Variants in UNC79 observed in about 807,000 individuals in gnomAD.
UNC79 encodes protein unc-79 homolog.
A neutral mutation model predicts 283.1 loss-of-function variants in UNC79; 37 were observed. The observed-to-expected ratio is 0.13, with a 90% CI of 0.10 to 0.17. The LOEUF is 0.17. Among genes scored for constraint, UNC79 ranks in the 10% least tolerant of loss-of-function variants. The pLI, the probability that UNC79 is intolerant of heterozygous loss-of-function variation, is 1.00. For missense variants in UNC79, 2,272 were observed against 3,211.1 expected (o/e 0.71, Z 7.07); for synonymous variants, 1,107 against 1,200.2 (o/e 0.92, Z 1.61).
Position 93,528,744 on chromosome 14 carries a change from C to T in UNC79, c.1052+98C>T, listed in dbSNP as rs2060661018. On this transcript the variant is annotated intron_variant, in intron 9 of 48. Coordinates refer to ENST00000555664, the Ensembl canonical transcript of UNC79. ...AATTAGTTACATTGCTAAAGTTTCT[C>T]TCTAGCCTCTCTGATTTTTAAAGGT... 10 of 1,104,740 alleles carry T rather than the reference C, an allele frequency of 9.1e-6. No individual in the cohort carries two copies. The South Asian group carries it at 1.5e-4, about 16-fold the overall frequency. 68.4% of individuals were successfully genotyped at this position (1,104,740 alleles called of 1,614,324 possible).
At chr14:93,697,735 G>A (rs1023379612) in intron 47 of UNC79, among the ~76,000 whole-genome samples, 3 of 152,130 alleles carry the variant, frequency 2.0e-5, no homozygotes, top group Non-Finnish European at 2.9e-5. Context: ...GCAGCATATT[G>A]AGACCCAGTC....
At chr14:93,497,632 T>C (rs2059073388) in intron 7 of UNC79, among the ~76,000 whole-genome samples, 1 of 152,184 alleles carries the variant, frequency 6.6e-6, no homozygotes, top group African/African-American at 2.4e-5. Context: ...ACTAGCAGAT[T>C]CTGCTCTGAT....
intron 1 of UNC79, among the ~76,000 whole-genome samples, chr14:93,350,046 TCTAA>T (rs2053952932): frequency 6.6e-6 from 1 of 152,328 alleles, no homozygotes; most frequent in East Asian, 1.9e-4. Context: ...TTGGGTCATT[TCTAA>T]CTAAGAAAGG....
chr14:93,532,915 T>C (rs974134684), intron 11 of UNC79, among the ~76,000 whole-genome samples: 5 of 152,178 alleles, frequency 3.3e-5, no homozygotes, highest in Non-Finnish European at 7.3e-5. Context: ...AGGATATATC[T>C]TGTATGCTAG....
chr14:93,643,504 T>G, intron 33 of UNC79, 53 bp from the exon 37 acceptor site: 1 of 1,612,866 alleles, frequency 6.2e-7, no homozygotes, highest in South Asian at 1.1e-5. Flanking sequence ...ATATTATATC[T>G]TGAGACCATG....
chr14:93,560,120 T>G (rs1392586685), intron 14 of UNC79, among the ~76,000 whole-genome samples: 1 of 152,060 alleles, frequency 6.6e-6, no homozygotes, highest in Non-Finnish European at 1.5e-5. Flanking sequence ...ATTGAGAAAC[T>G]AAACGGAAGG....
At chr14:93,592,189 T>TC (rs1478776465) in intron 22 of UNC79, among the ~76,000 whole-genome samples, 1 of 148,930 alleles carries the variant, frequency 6.7e-6, no homozygotes, top group East Asian at 1.9e-4. Flanking sequence ...TTTTTTTTTT[T>TC]TTTGAGACTG....
rs138427038 is a variant in UNC79, at chr14:93,451,088, G to T, written c.23-16583G>T. Among the ~76,000 whole-genome samples, 1,070 of 151,352 alleles carry T rather than the reference G, an allele frequency of 7.1e-3. 9 individuals are homozygous for T. Among genetic ancestry groups the T allele is most frequent in the Non-Finnish European group, 0.011 (735 of 67,860 alleles). ...ACAACAGCGTTCATTTATAGGTAGAGTATCTTATCTTTCTGATATTAATAA... is the reference window on the plus strand; with the variant it reads ...ACAACAGCGTTCATTTATAGGTAGATTATCTTATCTTTCTGATATTAATAA... On this transcript the variant is annotated intron_variant, in intron 1 of 48. Transcript: ENST00000555664.
intron 38 of UNC79, among the ~76,000 whole-genome samples, chr14:93,658,776 C>G (rs2071226269): frequency 6.6e-6 from 1 of 152,044 alleles, no homozygotes; most frequent in African/African-American, 2.4e-5. Context: ...AGTCCTTTCA[C>G]AAATTGGTGC....
intron 40 of UNC79, among the ~76,000 whole-genome samples, chr14:93,663,815 C>A (rs1212272147): frequency 6.6e-6 from 1 of 152,058 alleles, no homozygotes; most frequent in African/African-American, 2.4e-5. Flanking sequence ...AAAAGATTTT[C>A]TATTTCTAGA....
At chr14:93,521,289 C>T (rs548509520) in intron 7 of UNC79, among the ~76,000 whole-genome samples, 1 of 152,182 alleles carries the variant, frequency 6.6e-6, no homozygotes, top group Admixed American at 6.5e-5. Flanking sequence ...AGAACTCTCA[C>T]AGTTTTTCTC....
At chr14:93,689,793 A>G in intron 44 of UNC79, 1 of 253,554 alleles carries the variant, frequency 3.9e-6, no homozygotes, top group African/African-American at 2.2e-5. Flanking sequence ...CCGGCCCACC[A>G]GAGAAGAAAT....
At chr14:93,477,877 A>G (rs1391327385) in intron 4 of UNC79, 149 bp downstream of exon 4, 1 of 746,084 alleles carries the variant, frequency 1.3e-6, no homozygotes. Context: ...TCACTTTAGC[A>G]TGGATATTAT....
chr14:93,685,907 C>A (rs2074203938), intron 42 of UNC79, among the ~76,000 whole-genome samples: 1 of 152,238 alleles, frequency 6.6e-6, no homozygotes, highest in African/African-American at 2.4e-5. Context: ...CAAAACTTTT[C>A]AAACACACTT....
chr14:93,593,883 C>G (rs374031472), intron 23 of UNC79, 46 bp downstream of exon 23: 1 of 1,519,798 alleles, frequency 6.6e-7, no homozygotes, highest in Admixed American at 2.1e-5. Context: ...ACACAGTACA[C>G]GGGTGTCTGG....
intron 1 of UNC79, chr14:93,347,450 G>A (rs982765826): frequency 6.5e-6 from 9 of 1,391,832 alleles, no homozygotes; most frequent in African/African-American, 1.5e-5. Flanking sequence ...CTGGCGGGGC[G>A]CCCCGACGGG....
chr14:93,420,633 T>A (rs768545823), intron 1 of UNC79, among the ~76,000 whole-genome samples: 2 of 151,824 alleles, frequency 1.3e-5, no homozygotes, highest in Non-Finnish European at 2.9e-5. Flanking sequence ...CAGAACATTT[T>A]ATGCAACAGC....
chr14:93,707,453 T>C (rs1324460486), downstream of UNC79: 2 of 152,482 alleles, frequency 1.3e-5, no homozygotes, highest in African/African-American at 4.8e-5. Context: ...ATTGTTTTCG[T>C]TGTTTTATAA....
chr14:93,484,189 T>G (rs2058291971), intron 4 of UNC79, among the ~76,000 whole-genome samples: 1 of 152,204 alleles, frequency 6.6e-6, no homozygotes, highest in South Asian at 2.1e-4. Flanking sequence ...CTCCAGCACC[T>G]GTTGTTTCCT....
Sources: allele counts gnomAD v4.1 joint callset (sites outside exome capture counted in the v4.1 genomes callset), GRCh38; gene constraint gnomAD v4.1.1; transcripts MANE v1.5; gene names NCBI Gene and HGNC (gene_info 2026-07-23, HGNC 2026-07-21).